Variants in FHIT observed in about 807,000 individuals in gnomAD.
FHIT encodes fragile histidine triad diadenosine triphosphatase, also known as bis(5'-adenosyl)-triphosphatase.
Under a neutral mutation model 17.9 loss-of-function variants are expected in FHIT, and 19 were observed. The observed-to-expected ratio is 1.06, with a 90% CI of 0.74 to 1.56. FHIT has a LOEUF of 1.56. Ranked by LOEUF, FHIT falls within the 40% of genes most tolerant of loss-of-function variation. The probability of loss-of-function intolerance (pLI) is 0.00; values close to 1 mark genes in which losing one functional copy is unlikely to be tolerated. For missense variants in FHIT, 248 were observed against 189.2 expected, an observed-to-expected ratio of 1.31 and a Z score of -1.82; for synonymous variants, 81 against 69.7, an observed-to-expected ratio of 1.16 and a Z score of -0.81.
At chr3:60,219,544 C>T (rs965681400) in intron 5 of FHIT, among the ~76,000 whole-genome samples, 1 of 152,060 alleles carries the variant, frequency 6.6e-6, no homozygotes, top group Non-Finnish European at 1.5e-5. Context: ...TGAACATAGT[C>T]AGAATTTTAG....
intron 3 of FHIT, among the ~76,000 whole-genome samples, chr3:60,941,460 T>C (rs1422920282): frequency 6.6e-6 from 1 of 152,228 alleles, no homozygotes; most frequent in Non-Finnish European, 1.5e-5. Flanking sequence ...TATACATCCT[T>C]TCAGGAAAGG....
At chr3:60,541,037 C>T (rs894454728) in intron 4 of FHIT, among the ~76,000 whole-genome samples, 1 of 152,168 alleles carries the variant, frequency 6.6e-6, no homozygotes, top group Non-Finnish European at 1.5e-5. Flanking sequence ...CCATAGCTGT[C>T]CAGGTGTTTC....
rs60361063 is a variant in FHIT, at chr3:59,788,881, G to GTTTTTTTTTTTTTTTTTTTTTTTTTT, written c.349-36561_349-36560insAAAAAAAAAAAAAAAAAAAAAAAAAA. Among the ~76,000 whole-genome samples the GTTTTTTTTTTTTTTTTTTTTTTTTTT allele has an allele frequency of 2.6e-4, 23 of 86,832 alleles. 6 individuals are homozygous for GTTTTTTTTTTTTTTTTTTTTTTTTTT. Among genetic ancestry groups the GTTTTTTTTTTTTTTTTTTTTTTTTTT allele is most frequent in the African/African-American group, 7.3e-4 (16 of 21,854 alleles). 57.0% of individuals were successfully genotyped at this position (86,832 alleles called of 152,430 possible). On this transcript the variant is annotated intron_variant, in intron 8 of 9. Transcript: ENST00000492590. ...ACCACGTTCTTTGCTGAGTTCATAT[G>GTTTTTTTTTTTTTTTTTTTTTTTTTT]TTTTTTTTTTTTACCCCATCTCCAA... is the stretch of plus-strand genomic sequence containing the variant.
chr3:60,161,148 T>C (rs1700921250), intron 5 of FHIT, among the ~76,000 whole-genome samples: 2 of 152,190 alleles, frequency 1.3e-5, no homozygotes, highest in Admixed American at 1.3e-4. Context: ...GTGGCTATGT[T>C]TGGTCTCTCT....
chr3:61,207,136 T>A lies in FHIT; in HGVS notation c.-212-6471A>T, dbSNP rs552722612. On this transcript the variant is annotated intron_variant, in intron 1 of 9. Transcript: ENST00000492590. ...TGGATTACGTTAATTGATTTGCATA[T>A]GTTCAACCAGCCTTGCATCCCAGGG... Among the ~76,000 whole-genome samples, 7 of 152,260 alleles carry A rather than the reference T, an allele frequency of 4.6e-5. No individual in the cohort carries two copies. In the South Asian group the frequency reaches 1.5e-3, roughly 32 times the overall value.
intron 5 of FHIT, among the ~76,000 whole-genome samples, chr3:60,294,085 C>T (rs183650018): frequency 6.6e-6 from 1 of 152,194 alleles, no homozygotes; most frequent in Non-Finnish European, 1.5e-5. Flanking sequence ...AGGAGCAACA[C>T]AGCACTGTGT....
rs148141137 is a variant in FHIT, at chr3:61,173,054, C to T, written c.-164+27563G>A. ...ATGGAGGAGACAGGGCCAGATGTTG[C>T]CATGTCTTCCCAGGGATGTCAGAAG... On this transcript the variant is annotated intron_variant, in intron 2 of 9. Transcript: ENST00000492590. Among the ~76,000 whole-genome samples, 88 of 152,242 alleles carry T rather than the reference C, an allele frequency of 5.8e-4. 1 individual carries two copies. Among genetic ancestry groups the T allele is most frequent in the African/African-American group, 2.1e-3 (86 of 41,550 alleles).
intron 5 of FHIT, among the ~76,000 whole-genome samples, chr3:60,144,003 T>C (rs914741400): frequency 2.0e-5 from 3 of 152,280 alleles, no homozygotes; most frequent in Admixed American, 1.3e-4. Context: ...GGCATGAAAG[T>C]AGCCCATGTG....
chr3:60,990,107 C>T (rs2030048955), intron 3 of FHIT, among the ~76,000 whole-genome samples: 1 of 152,148 alleles, frequency 6.6e-6, no homozygotes, highest in Admixed American at 6.5e-5. Context: ...TATGTACGCC[C>T]AAGGGTGCCT....
At chr3:60,289,822 C>T (rs1018974275) in intron 5 of FHIT, among the ~76,000 whole-genome samples, 1 of 518 alleles carries the variant, frequency 1.9e-3, no homozygotes, top group Non-Finnish European at 3.8e-3. Context: ...TGGTTTATTA[C>T]ACGGAACCAT....
chr3:60,156,947 T>G (rs1700724933), intron 5 of FHIT, among the ~76,000 whole-genome samples: 1 of 152,036 alleles, frequency 6.6e-6, no homozygotes, highest in Non-Finnish European at 1.5e-5. Flanking sequence ...ATATATTAAA[T>G]ATATATAAAA....
chr3:59,995,799 T>C (rs212016), intron 7 of FHIT, among the ~76,000 whole-genome samples: 50,734 of 151,878 alleles, frequency 0.33, 9,120 homozygotes, highest in African/African-American at 0.46. Flanking sequence ...CCATTTCATT[T>C]GACTCACTTG....
chr3:60,375,673 T>A (rs1428714246), intron 5 of FHIT, among the ~76,000 whole-genome samples: 2 of 152,140 alleles, frequency 1.3e-5, no homozygotes, highest in Non-Finnish European at 2.9e-5. Context: ...GACAACTGGT[T>A]AGTTGTAGTT....
intron 2 of FHIT, among the ~76,000 whole-genome samples, chr3:61,092,296 T>A (rs1898752): frequency 0.35 from 53,095 of 151,940 alleles, 11,354 homozygotes; most frequent in Non-Finnish European, 0.48. Context: ...AGCAGGTACA[T>A]ATACCAAGAA....
At chr3:60,000,418 A>C (rs1239251569) in intron 7 of FHIT, among the ~76,000 whole-genome samples, 2 of 152,200 alleles carry the variant, frequency 1.3e-5, no homozygotes, top group Non-Finnish European at 2.9e-5. Context: ...TTTGTGCTGT[A>C]AAGTCAGATA....
chr3:61,164,702 T>C (rs2037786843), intron 2 of FHIT, among the ~76,000 whole-genome samples: 1 of 152,170 alleles, frequency 6.6e-6, no homozygotes, highest in Non-Finnish European at 1.5e-5. Flanking sequence ...CCTGAGTATA[T>C]TGTATGATGC....
chr3:60,963,913 T>C (rs1013477162), intron 3 of FHIT, among the ~76,000 whole-genome samples: 1 of 152,212 alleles, frequency 6.6e-6, no homozygotes, highest in Non-Finnish European at 1.5e-5. Flanking sequence ...TTCTGTTGAT[T>C]TGGGGTGGAG....
intron 5 of FHIT, among the ~76,000 whole-genome samples, chr3:60,443,079 G>A: frequency 6.6e-6 from 1 of 151,954 alleles, no homozygotes; most frequent in East Asian, 1.9e-4. Context: ...CTGTTTATCT[G>A]TTACTGGTGT....
At chr3:60,740,275 G>A (rs782560126) in intron 4 of FHIT, among the ~76,000 whole-genome samples, 1 of 152,128 alleles carries the variant, frequency 6.6e-6, no homozygotes, top group East Asian at 1.9e-4. Flanking sequence ...GAATGAAACT[G>A]CCTGGTTTTA....
Sources: allele counts gnomAD v4.1 joint callset (sites outside exome capture counted in the v4.1 genomes callset), GRCh38; gene constraint gnomAD v4.1.1; transcripts MANE v1.5; gene names NCBI Gene and HGNC (gene_info 2026-07-23, HGNC 2026-07-21).